ATG10: variants seen among roughly 807,000 people sequenced by gnomAD.
ATG10 encodes the protein ubiquitin-like-conjugating enzyme ATG10.
In ATG10, 30 loss-of-function variants were observed where a neutral mutation model predicts 32.1. The observed-to-expected ratio is 0.94, with a 90% confidence interval of 0.70 to 1.27. ATG10 has a LOEUF of 1.27. ATG10 is among the 50% of genes most tolerant of loss of function. ATG10 has a pLI of 0.00. For missense variants in ATG10, 233 were observed against 262.3 expected (o/e 0.89, Z 0.77); for synonymous variants, 87 against 91.5 (o/e 0.95, Z 0.28).
At chr5:82,185,865 C>A (rs1744426992) in intron 5 of ATG10, among the ~76,000 whole-genome samples, 1 of 151,740 alleles carries the variant, frequency 6.6e-6, no homozygotes, top group East Asian at 1.9e-4. Context: ...TGAACTCAGT[C>A]TCCCTGGAGT....
At chr5:82,100,116 C>A (rs1765217248) in intron 3 of ATG10, among the ~76,000 whole-genome samples, 1 of 135,042 alleles carries the variant, frequency 7.4e-6, no homozygotes, top group Non-Finnish European at 1.5e-5. Flanking sequence ...TCAAGCAATT[C>A]TCCTGCTTCA....
chr5:82,047,544 A>G (rs61476745), intron 2 of ATG10, among the ~76,000 whole-genome samples: 1,872 of 152,344 alleles, frequency 0.012, 31 homozygotes, highest in African/African-American at 0.042. Context: ...CTGTGGAAGA[A>G]TATATAAACA....
chr5:82,252,762 T>G lies in ATG10; in HGVS notation c.551+103T>G. 8 of 666,944 alleles carry G rather than the reference T, an allele frequency of 1.2e-5. No homozygotes were observed. In the South Asian group the frequency reaches 1.6e-4, roughly 14 times the overall value. 41.3% of individuals were successfully genotyped at this position (666,944 alleles called of 1,614,324 possible). ...TAGGCTAAAAAAGAAATATTAATAA[T>G]AATAATGGCTAACACAATGATTTTT... On this transcript the variant is annotated intron_variant, in intron 6 of 7. Transcript: ENST00000282185.
intron 3 of ATG10, among the ~76,000 whole-genome samples, chr5:82,151,850 T>TA (rs71000887): frequency 0.47 from 71,713 of 151,948 alleles, 17,837 homozygotes; most frequent in East Asian, 0.79. Flanking sequence ...TAAAACCTCT[T>TA]ACAGCTAGAG....
chr5:81,982,119 C>T (rs1389160830), intron 1 of ATG10, among the ~76,000 whole-genome samples: 2 of 152,152 alleles, frequency 1.3e-5, no homozygotes, highest in African/African-American at 2.4e-5. Context: ...AAAAACAAAA[C>T]AACACAACTC....
At chr5:82,103,576 A>G (rs1360502035) in intron 3 of ATG10, among the ~76,000 whole-genome samples, 2 of 151,996 alleles carry the variant, frequency 1.3e-5, no homozygotes, top group African/African-American at 4.8e-5. Flanking sequence ...CCCTGCCCCC[A>G]GGGACTTAAG....
chr5:82,230,172 A>T (rs1255142310), intron 5 of ATG10, among the ~76,000 whole-genome samples: 4 of 152,166 alleles, frequency 2.6e-5, no homozygotes, highest in Admixed American at 2.6e-4. Context: ...TAAAGTCTTT[A>T]TGGAGTCTAT....
chr5:82,028,329 T>A (rs1209826806), intron 2 of ATG10, among the ~76,000 whole-genome samples: 1 of 152,176 alleles, frequency 6.6e-6, no homozygotes, highest in African/African-American at 2.4e-5. Context: ...ATCAGTTCTT[T>A]GTAAAGAAGT....
intron 3 of ATG10, among the ~76,000 whole-genome samples, chr5:82,138,630 T>C (rs1430666253): frequency 6.6e-6 from 1 of 152,154 alleles, no homozygotes; most frequent in Non-Finnish European, 1.5e-5. Flanking sequence ...ATTGCGTTGG[T>C]CTTGCTGGGA....
chr5:82,132,059 G>A (rs1226737877), intron 3 of ATG10, among the ~76,000 whole-genome samples: 3 of 152,044 alleles, frequency 2.0e-5, no homozygotes, highest in African/African-American at 7.2e-5. Flanking sequence ...AGGGATCTGT[G>A]CCCATGATCC....
chr5:82,207,660 G>A (rs979491657), intron 5 of ATG10, among the ~76,000 whole-genome samples: 3 of 152,160 alleles, frequency 2.0e-5, no homozygotes, highest in Non-Finnish European at 4.4e-5. Flanking sequence ...ATCATATCCT[G>A]TATTTTTTAT....
intron 5 of ATG10, among the ~76,000 whole-genome samples, chr5:82,240,624 T>C (rs1055143734): frequency 6.6e-6 from 1 of 151,950 alleles, no homozygotes; most frequent in African/African-American, 2.4e-5. Flanking sequence ...AGAAATAATT[T>C]ATTGGATAGT....
intron 3 of ATG10, among the ~76,000 whole-genome samples, chr5:82,065,289 C>T (rs764055022): frequency 2.0e-4 from 31 of 151,974 alleles, no homozygotes; most frequent in Non-Finnish European, 2.8e-4. Context: ...GAGTTTGAGA[C>T]CAGCCTGGCC....
At chr5:82,167,294 T>C (rs1027540485) in intron 4 of ATG10, among the ~76,000 whole-genome samples, 3 of 152,166 alleles carry the variant, frequency 2.0e-5, no homozygotes, top group East Asian at 3.9e-4. Flanking sequence ...AGCTTCAAGA[T>C]AAAAACAAGA....
chr5:82,124,296 C>T lies in ATG10; in HGVS notation c.217-40103C>T, dbSNP rs576648790. Among the ~76,000 whole-genome samples the T allele has an allele frequency of 3.2e-3, 470 of 148,826 alleles. 1 individual carries two copies. Among genetic ancestry groups the T allele is most frequent in the Non-Finnish European group, 5.4e-3 (363 of 67,582 alleles). On this transcript the variant is annotated intron_variant, in intron 3 of 7. Transcript: ENST00000282185. ...GGGATTACAGACGTGAGCCACTGCC[C>T]TTGGCTTTTTTTTTTTTTTATAATT...
chr5:82,055,123 T>G (rs1763551850), intron 2 of ATG10, among the ~76,000 whole-genome samples: 1 of 152,088 alleles, frequency 6.6e-6, no homozygotes, highest in Non-Finnish European at 1.5e-5. Flanking sequence ...TTTTCTGCCT[T>G]AAATTAAAAC....
At position 82,129,570 on chromosome 5, in the gene ATG10, A is replaced by G. The variant is rs1766431049; in HGVS notation, c.217-34829A>G. Among the ~76,000 whole-genome samples the G allele has an allele frequency of 2.0e-5, 3 of 151,746 alleles. No individual in the cohort carries two copies. In the South Asian group the frequency reaches 6.2e-4, roughly 32 times the overall value. ...GTTGATGTTGATGCTATCCCTTTCTATTTGTTGCTTTCCTTCTAATAGTCA... is the reference window on the plus strand; with the variant it reads ...GTTGATGTTGATGCTATCCCTTTCTGTTTGTTGCTTTCCTTCTAATAGTCA... On this transcript the variant is annotated intron_variant, in intron 3 of 7. Coordinates refer to ENST00000282185, the MANE Select transcript of ATG10 (RefSeq NM_031482.5).
chr5:82,088,313 A>T (rs1764760701), intron 3 of ATG10, among the ~76,000 whole-genome samples: 1 of 152,198 alleles, frequency 6.6e-6, no homozygotes, highest in South Asian at 2.1e-4. Flanking sequence ...TTAGGTAATC[A>T]GTAAGACTCT....
intron 3 of ATG10, among the ~76,000 whole-genome samples, chr5:82,069,255 T>C (rs1235539518): frequency 2.0e-5 from 3 of 152,106 alleles, no homozygotes; most frequent in African/African-American, 7.2e-5. Context: ...TTAAAATGAT[T>C]GTTGAATTTT....
Sources: allele counts gnomAD v4.1 joint callset (sites outside exome capture counted in the v4.1 genomes callset), GRCh38; gene constraint gnomAD v4.1.1; transcripts MANE v1.5; gene names NCBI Gene and HGNC (gene_info 2026-07-23, HGNC 2026-07-21).